The following R3HDM2 variants were observed in gnomAD, a reference collection of about 807,000 sequenced individuals.
R3HDM2 encodes R3H domain-containing protein 2.
R3HDM2 carries 38 observed loss-of-function variants against 124.5 expected under a neutral mutation model. The ratio of observed to expected loss-of-function variants is 0.31; its 90% CI spans 0.24 to 0.40. The LOEUF is 0.40. Ranked by LOEUF, R3HDM2 falls within the 10% of genes least tolerant of loss-of-function variation. The probability of loss-of-function intolerance (pLI) is 1.00; values close to 1 mark genes in which losing one functional copy is unlikely to be tolerated. For synonymous variants in R3HDM2, 391 were observed against 448.0 expected (o/e 0.87, Z 1.61); for missense variants, 869 against 1,236.9 (o/e 0.70, Z 4.46).
At chr12:57,381,245 T>C in intron 2 of R3HDM2, among the ~76,000 whole-genome samples, 1 of 143,484 alleles carries the variant, frequency 7.0e-6, no homozygotes, top group East Asian at 2.2e-4. Flanking sequence ...AAAATTAACA[T>C]AAAAATAAGA....
At position 57,299,356 on chromosome 12, in the gene R3HDM2, G is replaced by A. The variant is rs2050615054; in HGVS notation, c.417C>T (p.Ser139=). ...GAGATGGGAAAAACTCCTTACCTCT[G>A]GACAGCATCTTCCTTGGGATCTTTT... ...NKEKIPRKML[S]RDSSQEYTDS... The change falls in exon 6 of 24, where the codon TCC becomes TCT. Residue 139 remains serine, a synonymous_variant. Coordinates refer to ENST00000402412, the MANE Select transcript of R3HDM2 (RefSeq NM_001394031.1). The A allele has an allele frequency of 6.5e-7, 1 of 1,549,270 alleles. No homozygotes were observed. The highest frequency in any genetic ancestry group is 1.4e-5 in the African/African-American group (1 of 73,092).
chr12:57,310,174 C>T, intron 3 of R3HDM2, 90 bp downstream of exon 3: 3 of 921,990 alleles, frequency 3.3e-6, no homozygotes, highest in Non-Finnish European at 4.6e-6. Context: ...TGTGCCACTG[C>T]ACTCCAGGTT....
intron 1 of R3HDM2, chr12:57,418,509 T>C (rs2069871154): frequency 5.4e-6 from 1 of 183,532 alleles, no homozygotes; most frequent in Admixed American, 6.5e-5. Context: ...GCTACTGAGA[T>C]ATGGAGACTG....
chr12:57,427,902 G>C (rs1001497899), intron 1 of R3HDM2, among the ~76,000 whole-genome samples: 7 of 151,694 alleles, frequency 4.6e-5, no homozygotes, highest in Non-Finnish European at 1.0e-4. Context: ...GATCACTTAG[G>C]GTCAGGAGTT....
intron 1 of R3HDM2, among the ~76,000 whole-genome samples, chr12:57,400,375 T>C (rs1011892194): frequency 7.3e-5 from 11 of 151,574 alleles, no homozygotes; most frequent in East Asian, 1.9e-4. Context: ...TAGGTGGGAA[T>C]TGAACAATGA....
chr12:57,274,925 T>G (rs547287708), intron 14 of R3HDM2, among the ~76,000 whole-genome samples: 143 of 151,484 alleles, frequency 9.4e-4, no homozygotes, highest in Non-Finnish European at 1.9e-3. Context: ...GCAATCCCCA[T>G]CAAAATACCA....
chr12:57,420,645 G>A (rs1332935564), intron 1 of R3HDM2, among the ~76,000 whole-genome samples: 3 of 151,508 alleles, frequency 2.0e-5, no homozygotes, highest in African/African-American at 4.9e-5. Context: ...GTGAGCCACT[G>A]CGCCCAGGCT....
At position 57,422,557 on chromosome 12, in the gene R3HDM2, G is replaced by T. The variant is rs555412399; in HGVS notation, c.-106+8163C>A. Reference sequence around the variant, plus strand: ...AGGAAAAGCCAGAAAGGCTGACAGGGGCCAGATCATAAAGAGTTTTTGTAG... The same window carrying T: ...AGGAAAAGCCAGAAAGGCTGACAGGTGCCAGATCATAAAGAGTTTTTGTAG... On this transcript the variant is annotated intron_variant, in intron 1 of 23. Transcript: ENST00000402412. Among the ~76,000 whole-genome samples the T allele has an allele frequency of 2.6e-5, 4 of 152,290 alleles. No individual in the cohort carries two copies. The East Asian group carries it at 7.7e-4, about 29-fold the overall frequency.
In R3HDM2 at chr12:57,269,701, T is replaced by C. The variant is rs759516809; in HGVS notation, c.1587+51A>G. 9.3e-6 allele frequency: 15 copies of C among 1,611,182 alleles called. No homozygotes were observed. In the South Asian group the frequency reaches 1.4e-4, roughly 15 times the overall value. On this transcript the variant is annotated intron_variant, in intron 15 of 23. Coordinates refer to ENST00000402412, the MANE Select transcript of R3HDM2 (RefSeq NM_001394031.1). ...AACTGGAGGAATAAAGAAAGTATAATACTAGACAAACTGAATTAAGTGATT... is the reference window on the plus strand; with the variant it reads ...AACTGGAGGAATAAAGAAAGTATAACACTAGACAAACTGAATTAAGTGATT...
At chr12:57,351,939 G>A (rs1351730652) in intron 2 of R3HDM2, among the ~76,000 whole-genome samples, 1 of 152,052 alleles carries the variant, frequency 6.6e-6, no homozygotes, top group Admixed American at 6.6e-5. Flanking sequence ...CAAAGAAGGT[G>A]TAATTAAAAA....
At position 57,304,437 on chromosome 12, in the gene R3HDM2, G is replaced by A. The variant is rs2052093101; in HGVS notation, c.166-1220C>T. ...GGGCGTAGAGGGAACTGAGGCAGGA[G>A]GATAGGGGAGGGGAAACAAGTCAGA... On this transcript the variant is annotated intron_variant, in intron 3 of 23. Coordinates refer to ENST00000402412, the MANE Select transcript of R3HDM2 (RefSeq NM_001394031.1). 2.7e-5 allele frequency: 24 copies of A among 890,568 alleles called. 1 individual carries two copies. In the South Asian group the frequency reaches 9.3e-4, roughly 35 times the overall value. The allele number at this position is 890,568 out of a possible 1,614,324, so 55.2% of individuals were successfully genotyped here. A position where few individuals can be genotyped will look rare whatever the true frequency, so the allele number is the denominator to read the frequency against.
At chr12:57,276,657 G>C (rs530065629) in intron 14 of R3HDM2, among the ~76,000 whole-genome samples, 42 of 152,344 alleles carry the variant, frequency 2.8e-4, no homozygotes, top group African/African-American at 9.1e-4. Context: ...GGAGGCCAAG[G>C]TGGGCGGATC....
At chr12:57,339,807 G>C (rs1470069526) in intron 2 of R3HDM2, among the ~76,000 whole-genome samples, 1 of 152,042 alleles carries the variant, frequency 6.6e-6, no homozygotes, top group Non-Finnish European at 1.5e-5. Context: ...AGTAGGTATA[G>C]TAACTTTTAG....
At chr12:57,302,229 C>T (rs927519180) in intron 4 of R3HDM2, among the ~76,000 whole-genome samples, 9 of 151,056 alleles carry the variant, frequency 6.0e-5, no homozygotes, top group East Asian at 3.9e-4. Context: ...TGCAGTGAGC[C>T]GAGATCACAC....
chr12:57,277,047 G>A (rs1247889781), intron 14 of R3HDM2, among the ~76,000 whole-genome samples: 3 of 146,524 alleles, frequency 2.0e-5, no homozygotes, highest in African/African-American at 7.6e-5. Flanking sequence ...GCTCACTCAT[G>A]TAACCAAGTA....
intron 2 of R3HDM2, among the ~76,000 whole-genome samples, chr12:57,312,928 C>CAAAAAAAA (rs57500144): frequency 2.0e-5 from 1 of 49,844 alleles, no homozygotes; most frequent in Non-Finnish European, 4.4e-5. Context: ...GACTCTGGCT[C>CAAAAAAAA]AAAAAAAAAA....
In R3HDM2 at chr12:57,269,363, G is replaced by A. The variant is rs572481463; in HGVS notation, c.1674C>T (p.Pro558=). ...GCTGAGGCAGCTGCTGACCACGTTGGGGGCTATAGGCCACCGGGTGAGAGA... is the reference window on the plus strand; with the variant it reads ...GCTGAGGCAGCTGCTGACCACGTTGAGGGCTATAGGCCACCGGGTGAGAGA... The part of the protein sequence containing the change: ...RPLSHPVAYS[P]QRGQQLPQPS... Residue 558 remains proline, a synonymous_variant, in exon 16 of 24, where the codon CCC becomes CCT. Transcript: ENST00000402412. The A allele has an allele frequency of 1.9e-6, 3 of 1,614,092 alleles. No individual in the cohort carries two copies. Among genetic ancestry groups the A allele is most frequent in the East Asian group, 2.2e-5 (1 of 44,884 alleles).
chr12:57,363,063 T>C (rs764341791), intron 2 of R3HDM2, among the ~76,000 whole-genome samples: 8 of 152,208 alleles, frequency 5.3e-5, no homozygotes, highest in Non-Finnish European at 1.0e-4. Flanking sequence ...CCTCAAGTGA[T>C]CCGCCCACCT....
chr12:57,324,252 C>T (rs1023973920), intron 2 of R3HDM2, among the ~76,000 whole-genome samples: 33 of 152,292 alleles, frequency 2.2e-4, no homozygotes, highest in African/African-American at 7.7e-4. Context: ...GGCGTGATCT[C>T]GGCTCACTGC....
Sources: gnomAD v4.1 joint callset for allele counts (sites outside exome capture counted in the v4.1 genomes callset) on GRCh38, gnomAD v4.1.1 for gene constraint, MANE v1.5 for transcripts, NCBI Gene and HGNC (gene_info 2026-07-23, HGNC 2026-07-21) for gene names.